The following TRPC5 variants were observed in gnomAD, a reference collection of about 807,000 sequenced individuals.
TRPC5 encodes short transient receptor potential channel 5.
Under a neutral mutation model 56.5 loss-of-function variants are expected in TRPC5, and 9 were observed. The ratio of observed to expected loss-of-function variants is 0.16; its 90% CI spans 0.10 to 0.28. TRPC5 has a LOEUF of 0.28. Among genes scored for constraint, TRPC5 ranks in the 10% least tolerant of loss-of-function variants. The pLI, the probability that TRPC5 is intolerant of heterozygous loss-of-function variation, is 1.00. For missense variants in TRPC5, 469 were observed against 748.9 expected (o/e 0.63, Z 4.36); for synonymous variants, 282 against 278.5 (o/e 1.01, Z -0.13).
chrX:111,978,116 A>G (rs1305597016), intron 1 of TRPC5, among the ~76,000 whole-genome samples: 1 of 112,238 alleles, frequency 8.9e-6, no homozygotes, highest in African/African-American at 3.2e-5. Context: ...ACTTTTGTGT[A>G]TGTAGCCAAA....
intron 1 of TRPC5, among the ~76,000 whole-genome samples, chrX:112,062,562 A>G (rs1279462817): frequency 8.9e-6 from 1 of 112,077 alleles, no homozygotes; most frequent in Non-Finnish European, 1.9e-5. Context: ...CAAAGGATAG[A>G]TAATATTTTG....
chrX:112,050,257 T>A (rs1294997328), intron 1 of TRPC5, among the ~76,000 whole-genome samples: 1 of 112,756 alleles, frequency 8.9e-6, no homozygotes, highest in East Asian at 2.8e-4. Flanking sequence ...CGATACTGAA[T>A]TGACTTTTTC....
chrX:111,865,648 T>A (rs1168245121), intron 3 of TRPC5, among the ~76,000 whole-genome samples: 1 of 111,952 alleles, frequency 8.9e-6, no homozygotes, highest in African/African-American at 3.2e-5. Flanking sequence ...GCTATAAGAC[T>A]GAGTGTTGGT....
chrX:112,016,705 G>A (rs1173147305), intron 1 of TRPC5, among the ~76,000 whole-genome samples: 1 of 111,941 alleles, frequency 8.9e-6, no homozygotes, highest in African/African-American at 3.2e-5. Flanking sequence ...ACTTGTGCAT[G>A]CACCCATGTG....
At chrX:111,904,108 C>G (rs1925496696) in intron 3 of TRPC5, 1 of 112,027 alleles carries the variant, frequency 8.9e-6, no homozygotes, top group Non-Finnish European at 1.9e-5. Context: ...TACCAGGATT[C>G]TGAAGTTATA....
chrX:112,067,196 G>A (rs1345257598), intron 1 of TRPC5, among the ~76,000 whole-genome samples: 1 of 111,743 alleles, frequency 8.9e-6, no homozygotes, highest in Non-Finnish European at 1.9e-5. Flanking sequence ...GAAGACTTTG[G>A]GGGGTCCCTG....
chrX:111,884,779 A>G (rs1924393903), intron 3 of TRPC5, among the ~76,000 whole-genome samples: 1 of 113,122 alleles, frequency 8.8e-6, no homozygotes, highest in Admixed American at 9.3e-5. Flanking sequence ...GGATAAGCCT[A>G]CTTAAGTCCT....
intron 7 of TRPC5, among the ~76,000 whole-genome samples, chrX:111,805,189 CA>C (rs1462901676): frequency 8.9e-6 from 1 of 111,848 alleles, no homozygotes; most frequent in Non-Finnish European, 1.9e-5. Flanking sequence ...CTTTTCATCC[CA>C]GGGGTGAAGC....
At chrX:111,933,734 C>A (rs1926485443) in intron 2 of TRPC5, among the ~76,000 whole-genome samples, 1 of 111,532 alleles carries the variant, frequency 9.0e-6, no homozygotes, top group Non-Finnish European at 1.9e-5. Context: ...AGCCAAGCAT[C>A]ACTGTTTTAA....
intron 2 of TRPC5, among the ~76,000 whole-genome samples, chrX:111,937,219 A>C (rs1371845441): frequency 1.9e-5 from 2 of 104,872 alleles, no homozygotes; most frequent in African/African-American, 7.4e-5. Flanking sequence ...AATTTGTTGG[A>C]GTTCATTGTA....
chrX:111,807,956 C>CTGTGTGTGTG lies in TRPC5; in HGVS notation c.1897-25828_1897-25819dup, dbSNP rs60688414. Among the ~76,000 whole-genome samples the CTGTGTGTGTG allele has an allele frequency of 2.8e-3, 261 of 91,916 alleles. 1 individual carries two copies. The highest frequency in any genetic ancestry group is 0.011 in the African/African-American group (210 of 19,869). 79.8% of individuals were successfully genotyped at this position (91,916 alleles called of 115,157 possible). A position where few individuals can be genotyped will look rare whatever the true frequency, so the allele number is the denominator to read the frequency against. ...AAATGGAGTCTCTCTCTCTCTCTCT[C>CTGTGTGTGTG]TGTGTGTGTGTGTGTGTGTGTGTGT... On this transcript the variant is annotated intron_variant, in intron 7 of 10. Coordinates refer to ENST00000262839, the MANE Select transcript of TRPC5 (RefSeq NM_012471.3).
At chrX:112,059,242 A>AT (rs751834121) in intron 1 of TRPC5, among the ~76,000 whole-genome samples, 2 of 111,816 alleles carry the variant, frequency 1.8e-5, no homozygotes, top group South Asian at 7.8e-4. Flanking sequence ...TTACCATCTA[A>AT]TGAAGCCCAT....
chrX:111,949,182 T>C (rs1345634455), intron 2 of TRPC5, among the ~76,000 whole-genome samples: 1 of 111,752 alleles, frequency 8.9e-6, no homozygotes, highest in Admixed American at 9.5e-5. Flanking sequence ...TATACAAAAA[T>C]CAACTCAAGA....
intron 7 of TRPC5, among the ~76,000 whole-genome samples, chrX:111,798,848 CAACTT>C (rs748689484): frequency 2.7e-5 from 3 of 111,495 alleles, no homozygotes; most frequent in East Asian, 2.8e-4. Flanking sequence ...CATTATATGA[CAACTT>C]AAAGCAAAAG....
At chrX:112,035,708 T>TG (rs1478795483) in intron 1 of TRPC5, among the ~76,000 whole-genome samples, 2 of 109,771 alleles carry the variant, frequency 1.8e-5, no homozygotes, top group Admixed American at 9.8e-5. Flanking sequence ...CTTGGCTCAC[T>TG]GCAAGCTCCG....
intron 1 of TRPC5, among the ~76,000 whole-genome samples, chrX:111,986,579 A>G (rs1317037788): frequency 1.8e-5 from 2 of 110,504 alleles, no homozygotes; most frequent in Non-Finnish European, 3.8e-5. Context: ...CACTTTTCCC[A>G]GGCAATGCAG....
intron 1 of TRPC5, among the ~76,000 whole-genome samples, chrX:111,953,228 GC>G (rs758104465): frequency 8.9e-6 from 1 of 112,133 alleles, no homozygotes; most frequent in African/African-American, 3.2e-5. Flanking sequence ...CAAATGAAAA[GC>G]TAACAGATCT....
chrX:112,037,357 C>T (rs1245932580), intron 1 of TRPC5, among the ~76,000 whole-genome samples: 2 of 111,832 alleles, frequency 1.8e-5, no homozygotes, highest in Non-Finnish European at 3.8e-5. Flanking sequence ...ATACCTGCTG[C>T]TTCTCTAATG....
At chrX:111,895,724 C>T (rs1278172596) in intron 3 of TRPC5, among the ~76,000 whole-genome samples, 3 of 110,907 alleles carry the variant, frequency 2.7e-5, no homozygotes, top group African/African-American at 9.8e-5. Context: ...ATTTGTCTGT[C>T]CTTGAGCCAG....
Sources: gnomAD v4.1 joint callset for allele counts (sites outside exome capture counted in the v4.1 genomes callset) on GRCh38, gnomAD v4.1.1 for gene constraint, MANE v1.5 for transcripts, NCBI Gene and HGNC (gene_info 2026-07-23, HGNC 2026-07-21) for gene names.